The following CNTNAP2 variants were observed in gnomAD, a reference collection of about 807,000 sequenced individuals.
The protein encoded by CNTNAP2 is contactin associated protein 2.
A neutral mutation model predicts 155.2 loss-of-function variants in CNTNAP2; 98 were observed. The ratio of observed to expected loss-of-function variants is 0.63; its 90% CI spans 0.54 to 0.75. The LOEUF is 0.75. Among genes scored for constraint, CNTNAP2 ranks in the 30% least tolerant of loss-of-function variants. The pLI, the probability that CNTNAP2 is intolerant of heterozygous loss-of-function variation, is 0.00. For missense variants in CNTNAP2, 1,727 were observed against 1,688.1 expected (o/e 1.02, Z -0.40); for synonymous variants, 651 against 631.2 (o/e 1.03, Z -0.47).
rs576555106 is a variant in CNTNAP2 at position 148,119,398 on chromosome 7, C to T, written c.2554+1110C>T. Reference sequence around the variant, plus strand: ...AAAAAAAATTAGCCAGGTGTGGTGGCGGGGGCGCCTGTAGTCCCAGCTACT... The same window carrying T: ...AAAAAAAATTAGCCAGGTGTGGTGGTGGGGGCGCCTGTAGTCCCAGCTACT... On this transcript the variant is annotated intron_variant, in intron 16 of 23. Transcript: ENST00000361727. 1.0e-3 allele frequency among the ~76,000 whole-genome samples: 153 copies of T among 150,902 alleles called. 1 individual carries two copies. Among genetic ancestry groups the T allele is most frequent in the Non-Finnish European group, 1.5e-3 (102 of 67,774 alleles).
intron 3 of CNTNAP2, among the ~76,000 whole-genome samples, chr7:146,966,458 G>A (rs766608443): frequency 3.9e-5 from 6 of 152,278 alleles, no homozygotes; most frequent in Admixed American, 6.5e-5. Flanking sequence ...CGCCTTTGAC[G>A]TAGGCCTTAG....
At chr7:148,302,415 T>C (rs2116501642) in intron 21 of CNTNAP2, among the ~76,000 whole-genome samples, 1 of 152,302 alleles carries the variant, frequency 6.6e-6, no homozygotes, top group Admixed American at 6.5e-5. Flanking sequence ...CTGAAGTATC[T>C]GTGCCTCCTT....
intron 20 of CNTNAP2, chr7:148,263,337 T>A (rs1235657251): frequency 1.3e-5 from 2 of 152,126 alleles, no homozygotes; most frequent in Non-Finnish European, 2.9e-5. Context: ...GAGTGTTCAT[T>A]ATGTTTTTTA....
intron 1 of CNTNAP2, among the ~76,000 whole-genome samples, chr7:146,137,856 A>T (rs1326766609): frequency 6.6e-6 from 1 of 151,900 alleles, no homozygotes; most frequent in African/African-American, 2.4e-5. Flanking sequence ...TATTTTAAAA[A>T]TAAACATGTA....
intron 4 of CNTNAP2, among the ~76,000 whole-genome samples, chr7:147,082,315 C>G (rs560372836): frequency 3.6e-4 from 55 of 152,282 alleles, no homozygotes; most frequent in Non-Finnish European, 5.3e-4. Flanking sequence ...TTATCGCTGC[C>G]TCTTTGAACT....
At chr7:146,768,523 A>T (rs1165427365) in intron 1 of CNTNAP2, among the ~76,000 whole-genome samples, 1 of 151,806 alleles carries the variant, frequency 6.6e-6, no homozygotes, top group Non-Finnish European at 1.5e-5. Flanking sequence ...GCTACTGATG[A>T]TGGAAAGGAA....
At chr7:147,730,485 A>G (rs1468759992) in intron 13 of CNTNAP2, among the ~76,000 whole-genome samples, 3 of 152,028 alleles carry the variant, frequency 2.0e-5, no homozygotes, top group Admixed American at 2.0e-4. Context: ...TGATAATACT[A>G]TTATAATTGT....
chr7:147,965,862 A>C (rs1801200021), intron 14 of CNTNAP2, among the ~76,000 whole-genome samples: 1 of 152,078 alleles, frequency 6.6e-6, no homozygotes, highest in African/African-American at 2.4e-5. Context: ...AGTACTTTTC[A>C]TTGTTGTAGC....
chr7:147,278,860 A>G (rs1163473078), intron 8 of CNTNAP2, among the ~76,000 whole-genome samples: 1 of 151,396 alleles, frequency 6.6e-6, no homozygotes, highest in Non-Finnish European at 1.5e-5. Context: ...ATTATAAATA[A>G]CATTTATAAT....
rs1255156511 is a variant in CNTNAP2, at chr7:147,975,049, CGTATAATACAATTTTTTGTATTAT to C, written c.2256-2789_2256-2766del. On this transcript the variant is annotated intron_variant, in intron 14 of 23. Coordinates refer to ENST00000361727, the MANE Select transcript of CNTNAP2 (RefSeq NM_014141.6). ...ACATATAATACAATTTTTTGTATTA[CGTATAATACAATTTTTTGTATTAT>C]GTATAATACAATTTTTTGTATTACG... is the stretch of plus-strand genomic sequence containing the variant. Among the ~76,000 whole-genome samples the C allele has an allele frequency of 7.0e-4, 105 of 150,602 alleles. 1 individual carries two copies. The highest frequency in any genetic ancestry group is 3.6e-3 in the Middle Eastern group (1 of 276).
At chr7:146,241,684 G>T (rs932515545) in intron 1 of CNTNAP2, among the ~76,000 whole-genome samples, 5 of 152,140 alleles carry the variant, frequency 3.3e-5, no homozygotes, top group African/African-American at 1.2e-4. Flanking sequence ...GTTCAGATAT[G>T]ATAGAGAATC....
At position 147,148,173 on chromosome 7, in the gene CNTNAP2, G is replaced by A. The variant is rs1359639996; in HGVS notation, c.1348+15664G>A. ...TGGGAGGCCGAGGCGGGCGGATCAT[G>A]AGGTCAGGAGATCGAGACCATCCCG... On this transcript the variant is annotated intron_variant, in intron 8 of 23. Transcript: ENST00000361727. Among the ~76,000 whole-genome samples, 5 of 151,892 alleles carry A rather than the reference G, an allele frequency of 3.3e-5. No individual in the cohort carries two copies. The East Asian group carries it at 5.9e-4, about 18-fold the overall frequency.
intron 3 of CNTNAP2, among the ~76,000 whole-genome samples, chr7:146,978,753 A>G (rs901868949): frequency 1.3e-5 from 2 of 151,656 alleles, no homozygotes; most frequent in African/African-American, 4.8e-5. Context: ...TACTAAATAT[A>G]TATTTATTAA....
intron 14 of CNTNAP2, among the ~76,000 whole-genome samples, chr7:147,977,028 A>G (rs1020172772): frequency 2.0e-5 from 3 of 152,170 alleles, no homozygotes; most frequent in African/African-American, 7.2e-5. Flanking sequence ...AAAAGAGGAC[A>G]AAAGGCCACT....
chr7:146,778,052 A>T (rs1210746167), intron 2 of CNTNAP2, among the ~76,000 whole-genome samples: 1 of 152,214 alleles, frequency 6.6e-6, no homozygotes, highest in Non-Finnish European at 1.5e-5. Context: ...GAGTCATCTG[A>T]TACAGACACT....
At chr7:148,217,867 G>T (rs1182742444) in intron 19 of CNTNAP2, among the ~76,000 whole-genome samples, 1 of 152,270 alleles carries the variant, frequency 6.6e-6, no homozygotes, top group African/African-American at 2.4e-5. Flanking sequence ...GCTCACGCCT[G>T]TAATCCCAGC....
intron 4 of CNTNAP2, among the ~76,000 whole-genome samples, chr7:147,051,382 A>G (rs1799471548): frequency 6.6e-6 from 1 of 152,030 alleles, no homozygotes; most frequent in African/African-American, 2.4e-5. Flanking sequence ...GTGAACCTGT[A>G]TCGCATTCAG....
At chr7:146,240,542 G>A (rs1488429249) in intron 1 of CNTNAP2, among the ~76,000 whole-genome samples, 5 of 151,086 alleles carry the variant, frequency 3.3e-5, no homozygotes, top group Non-Finnish European at 7.4e-5. Context: ...ATATATAAAT[G>A]ATAATAATAA....
chr7:147,320,383 G>T (rs1027139682), intron 9 of CNTNAP2, among the ~76,000 whole-genome samples: 1 of 152,172 alleles, frequency 6.6e-6, no homozygotes, highest in Admixed American at 6.5e-5. Flanking sequence ...GGTGCAGGGA[G>T]ATTTTTTACT....
Sources: gnomAD v4.1 joint callset for allele counts (sites outside exome capture counted in the v4.1 genomes callset) on GRCh38, gnomAD v4.1.1 for gene constraint, MANE v1.5 for transcripts, NCBI Gene and HGNC (gene_info 2026-07-23, HGNC 2026-07-21) for gene names.